The following IL1RAPL1 variants were observed in gnomAD, a reference collection of about 807,000 sequenced individuals.
IL1RAPL1 encodes interleukin-1 receptor accessory protein-like 1.
IL1RAPL1 carries 3 observed loss-of-function variants against 48.4 expected under a neutral mutation model. The ratio of observed to expected loss-of-function variants is 0.06; its 90% CI spans 0.03 to 0.16. IL1RAPL1 has a LOEUF of 0.16. IL1RAPL1 is among the 10% of genes least tolerant of loss of function. The pLI is 1.00. For missense variants in IL1RAPL1, 349 were observed against 530.6 expected, an observed-to-expected ratio of 0.66 and a Z score of 3.36; for synonymous variants, 185 against 187.7, an observed-to-expected ratio of 0.99 and a Z score of 0.12.
Position 28,742,075 on chromosome X carries a change from T to TG in IL1RAPL1, c.-24-47243dup, listed in dbSNP as rs1355771270. ...GGAAATTTGAGTTCTCTGCGCAGAC[T>TG]GGCAGAACGTCTCGTTGGGACATGA... On this transcript the variant is annotated intron_variant, in intron 1 of 10. Transcript: ENST00000378993. 6.3e-5 allele frequency among the ~76,000 whole-genome samples: 7 copies of TG among 111,476 alleles called. No individual in the cohort carries two copies. In the East Asian group the frequency reaches 2.0e-3, roughly 31 times the overall value.
chrX:29,676,297 A>G (rs1206203280), intron 6 of IL1RAPL1, among the ~76,000 whole-genome samples: 5 of 112,421 alleles, frequency 4.4e-5, no homozygotes, highest in Non-Finnish European at 7.5e-5. Flanking sequence ...AGACATTTGA[A>G]TGCTGTAAAA....
intron 2 of IL1RAPL1, among the ~76,000 whole-genome samples, chrX:28,887,713 C>T (rs941021043): frequency 1.8e-5 from 2 of 111,673 alleles, no homozygotes; most frequent in African/African-American, 3.2e-5. Flanking sequence ...CTGAAACACA[C>T]TTTTGTTTTG....
At chrX:29,374,286 C>CTTTTTTTT in intron 3 of IL1RAPL1, among the ~76,000 whole-genome samples, 1 of 4,758 alleles carries the variant, frequency 2.1e-4, no homozygotes, top group East Asian at 7.6e-3. Flanking sequence ...TGGTTGGTTG[C>CTTTTTTTT]TTTTTTTTTT....
chrX:29,811,136 G>A (rs1176252698), intron 6 of IL1RAPL1, among the ~76,000 whole-genome samples: 2 of 110,625 alleles, frequency 1.8e-5, no homozygotes, highest in African/African-American at 6.6e-5. Context: ...ACAAAAGAGG[G>A]GGGTCAGTGA....
chrX:29,130,923 A>T (rs1415376993), intron 2 of IL1RAPL1, among the ~76,000 whole-genome samples: 1 of 112,462 alleles, frequency 8.9e-6, no homozygotes, highest in Non-Finnish European at 1.9e-5. Context: ...TTTTAGGTCA[A>T]ACTTGCCACA....
chrX:28,643,135 C>A (rs182323133), intron 1 of IL1RAPL1, among the ~76,000 whole-genome samples: 82 of 111,483 alleles, frequency 7.4e-4, no homozygotes, highest in African/African-American at 2.5e-3. Flanking sequence ...ATGATCCGCC[C>A]GCCTTGGCCT....
intron 2 of IL1RAPL1, among the ~76,000 whole-genome samples, chrX:29,255,138 T>C (rs867312337): frequency 1.1e-5 from 1 of 94,983 alleles, no homozygotes; most frequent in Admixed American, 1.2e-4. Context: ...TGTGTGTGTG[T>C]GTGCGTGTGT....
rs1930676957 is a variant in IL1RAPL1, at chrX:29,823,993, C to G, written c.779-93471C>G. Among the ~76,000 whole-genome samples the G allele has an allele frequency of 1.8e-5, 2 of 111,480 alleles. 1 individual carries two copies. Among genetic ancestry groups the G allele is most frequent in the Admixed American group, 1.9e-4 (2 of 10,446 alleles). On this transcript the variant is annotated intron_variant, in intron 6 of 10. Transcript: ENST00000378993. ...GTAGCCAATCTCCCTTTCTCACATC[C>G]CCGGATACCCATGTCCTTATGCCTG...
At chrX:29,802,901 ATG>A (rs371073969) in intron 6 of IL1RAPL1, among the ~76,000 whole-genome samples, 5 of 31,743 alleles carry the variant, frequency 1.6e-4, no homozygotes, top group African/African-American at 2.9e-4. Flanking sequence ...ATACATATAT[ATG>A]TGTATATATG....
chrX:29,092,841 A>G (rs1458949487), intron 2 of IL1RAPL1, among the ~76,000 whole-genome samples: 2 of 111,994 alleles, frequency 1.8e-5, no homozygotes, highest in African/African-American at 6.5e-5. Context: ...GTTTTGAAAA[A>G]AATAAACATC....
chrX:29,883,787 T>C (rs1932077644), intron 6 of IL1RAPL1, among the ~76,000 whole-genome samples: 1 of 112,478 alleles, frequency 8.9e-6, no homozygotes, highest in South Asian at 3.7e-4. Context: ...TCAGGCTTCA[T>C]GTTTTATGAT....
intron 6 of IL1RAPL1, among the ~76,000 whole-genome samples, chrX:29,741,021 T>G (rs1434224776): frequency 2.7e-5 from 3 of 112,031 alleles, no homozygotes; most frequent in African/African-American, 9.7e-5. Flanking sequence ...GTGGCTCTTT[T>G]AAGGAAAAGA....
rs753724019 is a variant in IL1RAPL1 at position 29,514,356 on chromosome X, CAT to C, written c.703+115051_703+115052del. Among the ~76,000 whole-genome samples the C allele has an allele frequency of 3.6e-5, 4 of 112,473 alleles. No homozygotes were observed. In the East Asian group the frequency reaches 8.3e-4, roughly 23 times the overall value. ...TTTTAAATCAGACACTTTCAGATAA[CAT>C]ATGTTTAATGAAAACACAATGATGT... On this transcript the variant is annotated intron_variant, in intron 5 of 10. Coordinates refer to ENST00000378993, the MANE Select transcript of IL1RAPL1 (RefSeq NM_014271.4).
chrX:28,775,044 T>G (rs1483183462), intron 1 of IL1RAPL1, among the ~76,000 whole-genome samples: 1 of 112,339 alleles, frequency 8.9e-6, no homozygotes, highest in Non-Finnish European at 1.9e-5. Context: ...TAAATTCTTG[T>G]CTGAACTACT....
At chrX:29,720,653 G>C (rs1927615460) in intron 6 of IL1RAPL1, among the ~76,000 whole-genome samples, 1 of 110,951 alleles carries the variant, frequency 9.0e-6, no homozygotes, top group Admixed American at 9.6e-5. Flanking sequence ...ACCTAATGTA[G>C]ATAACGGGTT....
Position 28,905,353 on chromosome X carries a change from A to C in IL1RAPL1, c.82+115928A>C, listed in dbSNP as rs187456172. 8.9e-4 allele frequency among the ~76,000 whole-genome samples: 100 copies of C among 112,045 alleles called. 1 individual carries two copies. In the East Asian group the frequency reaches 0.027, roughly 30 times the overall value. ...GACCTTCATCTCAGTGAATTTGTGAATGTATTATTTATAATGAAAATAAAA... is the reference window on the plus strand; with the variant it reads ...GACCTTCATCTCAGTGAATTTGTGACTGTATTATTTATAATGAAAATAAAA... On this transcript the variant is annotated intron_variant, in intron 2 of 10. Transcript: ENST00000378993.
intron 3 of IL1RAPL1, among the ~76,000 whole-genome samples, chrX:29,377,077 C>A (rs1933633975): frequency 1.8e-5 from 2 of 112,221 alleles, no homozygotes; most frequent in African/African-American, 3.2e-5. Flanking sequence ...GTTAAGGCTT[C>A]TTGTTGGAGT....
chrX:29,745,963 A>G (rs1244315560), intron 6 of IL1RAPL1, among the ~76,000 whole-genome samples: 1 of 111,706 alleles, frequency 9.0e-6, no homozygotes, highest in Non-Finnish European at 1.9e-5. Flanking sequence ...ATTTTTTTCT[A>G]TGCATACACA....
At chrX:29,429,893 T>G (rs4829419) in intron 5 of IL1RAPL1, among the ~76,000 whole-genome samples, 3,916 of 37,296 alleles carry the variant, frequency 0.1, 205 homozygotes, top group African/African-American at 0.33. Flanking sequence ...TGTGTGTGTG[T>G]GGTGTGTGTG....
Sources: allele counts gnomAD v4.1 joint callset (sites outside exome capture counted in the v4.1 genomes callset), GRCh38; gene constraint gnomAD v4.1.1; transcripts MANE v1.5; gene names NCBI Gene and HGNC (gene_info 2026-07-23, HGNC 2026-07-21).